The following ZIC5 variants were observed in gnomAD, a reference collection of about 807,000 sequenced individuals.
The protein encoded by ZIC5 is Zic family zinc finger 5, also known as zinc finger protein ZIC 5.
In ZIC5, 20 loss-of-function variants were observed where a neutral mutation model predicts 28.5. That is an observed-to-expected ratio of 0.70 (90% CI 0.49 to 1.02). The LOEUF is 1.02. Ranked by LOEUF, ZIC5 falls within the 50% of genes least tolerant of loss-of-function variation. The probability of loss-of-function intolerance (pLI) is 0.00; values close to 1 mark genes in which losing one functional copy is unlikely to be tolerated. For missense variants in ZIC5, 951 were observed against 899.7 expected, an observed-to-expected ratio of 1.06 and a Z score of -0.73; for synonymous variants, 488 against 410.4, an observed-to-expected ratio of 1.19 and a Z score of -2.29.
In ZIC5 at chr13:99,963,766, A is replaced by T. The variant is rs934787847; in HGVS notation, c.*1611T>A. The T allele has an allele frequency of 6.6e-6, 1 of 152,354 alleles. No individual in the cohort carries two copies. Among genetic ancestry groups the T allele is most frequent in the African/African-American group, 2.4e-5 (1 of 41,426 alleles). The allele number at this position is 152,354 out of a possible 1,614,324, so 9.4% of individuals were successfully genotyped here. On this transcript the variant is annotated 3_prime_UTR_variant, in exon 2 of 2. Transcript: ENST00000267294. ...TTTGAACTCTTCCAGGAAAGAAAAA[A>T]AAAAAGGATGATGTCTGAAAATAAA...
intron 1 of ZIC5, among the ~76,000 whole-genome samples, chr13:99,968,496 C>A (rs958848195): frequency 6.6e-6 from 1 of 152,090 alleles, no homozygotes; most frequent in Admixed American, 6.5e-5. Context: ...GTGCGCAGGG[C>A]GTGGCCTGTC....
In ZIC5 at chr13:99,970,967, A is replaced by T; in HGVS notation, c.637T>A (p.Ser213Thr). ...CTGGCGGAGATGAACATGCCGGCCG[A>T]GTGGGGAGGCGGGGCCGGGTGCTGG... is the stretch of plus-strand genomic sequence containing the variant. ...SPQHPAPPPH[S>T]AGMFISASGT... The change falls in exon 1 of 2, where the codon TCG becomes ACG. Residue 213 changes from serine to threonine, a missense_variant. By Grantham distance (58) the Ser-to-Thr change is moderately conservative. Coordinates refer to ENST00000267294, the MANE Select transcript of ZIC5 (RefSeq NM_033132.5). 7.1e-7 allele frequency: 1 copy of T among 1,399,186 alleles called. No individual in the cohort carries two copies. The highest frequency in any genetic ancestry group is 9.2e-7 in the Non-Finnish European group (1 of 1,089,194). 86.7% of individuals were successfully genotyped at this position (1,399,186 alleles called of 1,614,324 possible).
chr13:99,970,446 C>T lies in ZIC5; in HGVS notation c.1158G>A (p.Pro386=), dbSNP rs973640059. 48 of 1,047,640 alleles carry T rather than the reference C, an allele frequency of 4.6e-5. No individual in the cohort carries two copies. The African/African-American group carries it at 7.3e-4, about 16-fold the overall frequency. The allele number at this position is 1,047,640 out of a possible 1,614,324, so 64.9% of individuals were successfully genotyped here. Residue 386 remains proline, a synonymous_variant, in exon 1 of 2, where the codon CCG becomes CCA. Coordinates refer to ENST00000267294, the MANE Select transcript of ZIC5 (RefSeq NM_033132.5). ...WIDPDELAGL[P]PPPPPPPPPP... ...GCGGCGGCGGCGGCGGCGGCGGCGG[C>T]GGCAGCCCGGCCAGCTCGTCGGGGT...
intron 1 of ZIC5, among the ~76,000 whole-genome samples, chr13:99,966,103 T>A (rs1002382074): frequency 6.6e-6 from 1 of 152,018 alleles, no homozygotes; most frequent in Non-Finnish European, 1.5e-5. Flanking sequence ...AGGGCCAGAA[T>A]GTAACACTGA....
At position 99,970,187 on chromosome 13, in the gene ZIC5, C is replaced by G. The variant is rs1228189905; in HGVS notation, c.1417G>C (p.Gly473Arg). ...GEKPFPCPFP[G>R]CGKVFARSEN... ...GAGCGCGCGAAGACCTTGCCGCAGC[C>G]GGGGAAAGGGCAGGGAAAGGGCTTC... is the stretch of plus-strand genomic sequence containing the variant. The change falls in exon 1 of 2, where the codon GGC (glycine) becomes CGC (arginine). Residue 473 changes from glycine (G) to arginine (R), a missense_variant. Gly to Arg is a moderately radical substitution (Grantham distance 125, BLOSUM62 -2). Around this residue, in one of 3 missense-constraint regions of ZIC5, gnomAD observed 59 missense variants for 121.2 expected, o/e 0.49. Transcript: ENST00000267294. 3 of 1,612,386 alleles carry G rather than the reference C, an allele frequency of 1.9e-6. No homozygotes were observed. The highest frequency in any genetic ancestry group is 2.5e-6 in the Non-Finnish European group (3 of 1,179,520).
Position 99,970,905 on chromosome 13 carries a change from C to T in ZIC5, c.699G>A (p.Pro233=), listed in dbSNP as rs988814966. 1.5e-6 allele frequency: 2 copies of T among 1,352,878 alleles called. No individual in the cohort carries two copies. Among genetic ancestry groups the T allele is most frequent in the Admixed American group, 8.1e-5 (2 of 24,712 alleles). 83.8% of individuals were successfully genotyped at this position (1,352,878 alleles called of 1,614,324 possible). The change falls in exon 1 of 2, where the codon CCG becomes CCA. Residue 233 remains proline (P), a synonymous_variant. Transcript: ENST00000267294. ...TYAGPDGSGG[P]ALFPALHDTP... is the part of the protein sequence containing the mutation. ...TGTCGTGCAGCGCGGGGAAGAGCGC[C>T]GGGCCGCCGCTGCCGTCCGGGCCCG... is the stretch of plus-strand genomic sequence containing the variant.
rs2152152145 is a variant in ZIC5, at chr13:99,964,481, A to T, written c.*896T>A. The T allele has an allele frequency of 1.2e-5, 1 of 82,070 alleles. No individual in the cohort carries two copies. The highest frequency in any genetic ancestry group is 2.0e-4 in the East Asian group (1 of 4,898). 5.1% of individuals were successfully genotyped at this position (82,070 alleles called of 1,614,324 possible). ...CACAGTTAGGAGGCAGTATCTGAGA[A>T]TTCAGATAAAAAAAAAAAAACATAT... On this transcript the variant is annotated 3_prime_UTR_variant, in exon 2 of 2. Coordinates refer to ENST00000267294, the MANE Select transcript of ZIC5 (RefSeq NM_033132.5).
chr13:99,970,965 C>G lies in ZIC5; in HGVS notation c.639G>C (p.Ser213=), dbSNP rs771277392. ...CGCTGGCGGAGATGAACATGCCGGC[C>G]GAGTGGGGAGGCGGGGCCGGGTGCT... ...SPQHPAPPPH[S]AGMFISASGT... is the part of the protein sequence containing the mutation. The change falls in exon 1 of 2, where the codon TCG becomes TCC. Residue 213 remains serine (S), a synonymous_variant. Transcript: ENST00000267294. 2.1e-6 allele frequency: 3 copies of G among 1,400,690 alleles called. No individual in the cohort carries two copies. Among genetic ancestry groups the G allele is most frequent in the Admixed American group, 3.8e-5 (1 of 26,590 alleles). 86.8% of individuals were successfully genotyped at this position (1,400,690 alleles called of 1,614,324 possible). A position where few individuals can be genotyped will look rare whatever the true frequency, so the allele number is the denominator to read the frequency against.
chr13:99,970,537 G>A lies in ZIC5; in HGVS notation c.1067C>T (p.Ala356Val), dbSNP rs370372534. Residue 356 changes from alanine to valine, a missense_variant, in exon 1 of 2, where the codon GCG (alanine) becomes GTG (valine). Transcript: ENST00000267294. The stretch of plus-strand genomic sequence containing the variant: ...CATGTAGCGCAGGAAGGCCCCAGCC[G>A]CCCCTGGGAGGTGGGGGTGGTGCTG... ...PHQHHPHLPGAAGAFLRYMRQ... is the reference protein window; with the variant it reads ...PHQHHPHLPGVAGAFLRYMRQ... 4 of 1,102,978 alleles carry A rather than the reference G, an allele frequency of 3.6e-6. No individual in the cohort carries two copies. Among genetic ancestry groups the A allele is most frequent in the South Asian group, 2.8e-5 (1 of 35,476 alleles). The allele number at this position is 1,102,978 out of a possible 1,614,324, so 68.3% of individuals were successfully genotyped here. A position where few individuals can be genotyped will look rare whatever the true frequency, so the allele number is the denominator to read the frequency against.
At chr13:99,965,952 A>T in intron 1 of ZIC5, 133 bp from the exon 2 acceptor site, 1 of 980,330 alleles carries the variant, frequency 1.0e-6, no homozygotes, top group Non-Finnish European at 1.5e-6. Flanking sequence ...TCTTCTTCCT[A>T]ATTCACAAAA....
rs1162708642 is a variant in ZIC5, at chr13:99,971,355, G to C, written c.249C>G (p.Pro83=). ...AQASTLGLSP[P]SQAFPAHPEA... is the part of the protein sequence containing the mutation. Reference sequence around the variant, plus strand: ...CCGGGTGTGCCGGGAACGCCTGGGAGGGAGGGCTGAGGCCCAGCGTGCTCG... The same window carrying C: ...CCGGGTGTGCCGGGAACGCCTGGGACGGAGGGCTGAGGCCCAGCGTGCTCG... Residue 83 remains proline, a synonymous_variant, in exon 1 of 2, where the codon CCC becomes CCG. Coordinates refer to ENST00000267294, the MANE Select transcript of ZIC5 (RefSeq NM_033132.5). 1 of 1,438,338 alleles carries C rather than the reference G, an allele frequency of 7.0e-7. No individual in the cohort carries two copies. The highest frequency in any genetic ancestry group is 3.0e-5 in the Admixed American group (1 of 33,770). The allele number at this position is 1,438,338 out of a possible 1,614,324, so 89.1% of individuals were successfully genotyped here.
At chr13:99,966,633 A>G (rs1366189367) in intron 1 of ZIC5, among the ~76,000 whole-genome samples, 1 of 152,174 alleles carries the variant, frequency 6.6e-6, no homozygotes, top group Admixed American at 6.5e-5. Context: ...CCTTTACTTT[A>G]TGCCATAAGT....
chr13:99,970,295 A>G lies in ZIC5; in HGVS notation c.1309T>C (p.Phe437Leu), dbSNP rs2053138162. ...CCCTCGCGCGGACAGTCCTCCCAGA[A>G]GCAGACGTGGCTGCTCTGCTCGGGG... ...GGPEQSSHVC[F>L]WEDCPREGKP... The change falls in exon 1 of 2, where the codon TTC (phenylalanine) becomes CTC (leucine). Residue 437 changes from phenylalanine (F) to leucine (L), a missense_variant. This residue lies in a region of ZIC5 where 784 missense variants were observed against 660.1 expected (regional missense o/e 1.19). Coordinates refer to ENST00000267294, the MANE Select transcript of ZIC5 (RefSeq NM_033132.5). The G allele has an allele frequency of 6.2e-7, 1 of 1,613,436 alleles. No homozygotes were observed. Among genetic ancestry groups the G allele is most frequent in the Non-Finnish European group, 8.5e-7 (1 of 1,179,700 alleles).
chr13:99,968,066 G>T (rs765016943), intron 1 of ZIC5, among the ~76,000 whole-genome samples: 3 of 152,234 alleles, frequency 2.0e-5, no homozygotes, highest in Non-Finnish European at 4.4e-5. Context: ...AAACGGGACT[G>T]GGGGCACGTG....
At position 99,970,502 on chromosome 13, in the gene ZIC5, T is replaced by C. The variant is rs1237682191; in HGVS notation, c.1102A>G (p.Ile368Val). Residue 368 changes from isoleucine (I) to valine (V), a missense_variant, in exon 1 of 2, where the codon ATC becomes GTC. Ile to Val is a conservative substitution (Grantham distance 29). This residue lies in a region of ZIC5 where 784 missense variants were observed against 660.1 expected (regional missense o/e 1.19). Transcript: ENST00000267294. ...CACTTGCAGATGAGCTCCTGCTTGATTGGCTGCCGCATGTAGCGCAGGAAG... is the reference window on the plus strand; with the variant it reads ...CACTTGCAGATGAGCTCCTGCTTGACTGGCTGCCGCATGTAGCGCAGGAAG... ...GAFLRYMRQP[I>V]KQELICKWID... 3 of 1,128,328 alleles carry C rather than the reference T, an allele frequency of 2.7e-6. No individual in the cohort carries two copies. Among genetic ancestry groups the C allele is most frequent in the Non-Finnish European group, 3.3e-6 (3 of 913,942 alleles). The allele number at this position is 1,128,328 out of a possible 1,614,324, so 69.9% of individuals were successfully genotyped here. A position where few individuals can be genotyped will look rare whatever the true frequency, so the allele number is the denominator to read the frequency against.
chr13:99,967,066 A>G (rs1477130374), intron 1 of ZIC5, among the ~76,000 whole-genome samples: 1 of 152,198 alleles, frequency 6.6e-6, no homozygotes, highest in East Asian at 1.9e-4. Context: ...TAGGTATGAC[A>G]TTTTCTTTTG....
chr13:99,970,153 A>G lies in ZIC5; in HGVS notation c.1451T>C (p.Leu484Pro). 6.2e-7 allele frequency: 1 copy of G among 1,605,974 alleles called. No homozygotes were observed. The highest frequency in any genetic ancestry group is 8.5e-7 in the Non-Finnish European group (1 of 1,177,440). ...TGTATGAGTACGCTTGTGGATCTTG[A>G]GGTTCTCGGAGCGCGCGAAGACCTT... is the stretch of plus-strand genomic sequence containing the variant. ...CGKVFARSENLKIHKRTHTGE... is the reference protein window; with the variant it reads ...CGKVFARSENPKIHKRTHTGE... Residue 484 changes from leucine (L) to proline (P), a missense_variant, in exon 1 of 2, where the codon CTC (leucine) becomes CCC (proline). Leu to Pro is a moderately conservative substitution (Grantham distance 98). This residue lies in a region of ZIC5 where 59 missense variants were observed against 121.2 expected (regional missense o/e 0.49). Coordinates refer to ENST00000267294, the MANE Select transcript of ZIC5 (RefSeq NM_033132.5).
At chr13:99,968,442 CG>C (rs777486082) in intron 1 of ZIC5, among the ~76,000 whole-genome samples, 279 of 152,218 alleles carry the variant, frequency 1.8e-3, no homozygotes, top group Non-Finnish European at 3.1e-3. Context: ...GCGCCCCCCC[CG>C]ACCCCACGCA....
At position 99,970,883 on chromosome 13, in the gene ZIC5, C is replaced by A; in HGVS notation, c.721G>T (p.Asp241Tyr). The A allele has an allele frequency of 1.5e-6, 2 of 1,295,970 alleles. No individual in the cohort carries two copies. The highest frequency in any genetic ancestry group is 2.6e-5 in the South Asian group (1 of 38,968). The allele number at this position is 1,295,970 out of a possible 1,614,324, so 80.3% of individuals were successfully genotyped here. A position where few individuals can be genotyped will look rare whatever the true frequency, so the allele number is the denominator to read the frequency against. The change falls in exon 1 of 2, where the codon GAC becomes TAC. Residue 241 changes from aspartate to tyrosine, a missense_variant. Around this residue, in one of 3 missense-constraint regions of ZIC5, gnomAD observed 784 missense variants for 660.1 expected, o/e 1.19. Transcript: ENST00000267294. ...TGGCCGCCTGGGGCCCCCGGCGTGT[C>A]GTGCAGCGCGGGGAAGAGCGCCGGG... ...GGPALFPALHDTPGAPGGHPH... is the reference protein window; with the variant it reads ...GGPALFPALHYTPGAPGGHPH...
Sources: gnomAD v4.1 joint callset for allele counts (sites outside exome capture counted in the v4.1 genomes callset) on GRCh38, gnomAD v4.1.1 for gene constraint, gnomAD v4.1.1 regional missense constraint, MANE v1.5 for transcripts, NCBI Gene and HGNC (gene_info 2026-07-23, HGNC 2026-07-21) for gene names.